The following ATRN variants were observed in gnomAD, a reference collection of about 807,000 sequenced individuals.
ATRN encodes attractin.
Under a neutral mutation model 178.7 loss-of-function variants are expected in ATRN, and 54 were observed. The ratio of observed to expected loss-of-function variants is 0.30; its 90% CI spans 0.24 to 0.38. The LOEUF is 0.38. ATRN is among the 10% of genes least tolerant of loss of function. The pLI is 1.00. For synonymous variants in ATRN, 636 were observed against 663.0 expected (o/e 0.96, Z 0.63); for missense variants, 1,443 against 1,815.1 (o/e 0.79, Z 3.73).
intron 1 of ATRN, among the ~76,000 whole-genome samples, chr20:3,488,702 C>T (rs936913626): frequency 6.6e-6 from 1 of 152,122 alleles, no homozygotes; most frequent in Admixed American, 6.6e-5. Flanking sequence ...TGGTCCATGG[C>T]ATTTCCATAT....
intron 25 of ATRN, 29 bp from the exon 26 acceptor site, chr20:3,634,282 T>C (rs1023058016): frequency 6.2e-7 from 1 of 1,604,922 alleles, no homozygotes; most frequent in African/African-American, 1.3e-5. Flanking sequence ...GGGGCTGGGA[T>C]AATAACTCAG....
At chr20:3,609,290 A>G (rs2086726640) in intron 24 of ATRN, among the ~76,000 whole-genome samples, 1 of 152,156 alleles carries the variant, frequency 6.6e-6, no homozygotes, top group South Asian at 2.1e-4. Context: ...GTTTTAAAAA[A>G]ATCTATCGAG....
chr20:3,633,579 C>T (rs543746284), intron 25 of ATRN, among the ~76,000 whole-genome samples: 1 of 152,152 alleles, frequency 6.6e-6, no homozygotes, highest in Non-Finnish European at 1.5e-5. Context: ...AGTAAAAATG[C>T]AGTTATAGCA....
chr20:3,589,389 T>A (rs17709848), intron 18 of ATRN, among the ~76,000 whole-genome samples: 11,545 of 152,190 alleles, frequency 0.076, 646 homozygotes, highest in Non-Finnish European at 0.12. Context: ...TAATTTGGTT[T>A]TATTATTCTT....
intron 24 of ATRN, 58 bp downstream of exon 24, chr20:3,604,320 C>G: frequency 6.7e-7 from 1 of 1,494,224 alleles, no homozygotes; most frequent in Non-Finnish European, 9.0e-7. Context: ...TTTAGTAAGA[C>G]TAAATTTACT....
rs562368677 is a variant in ATRN, at chr20:3,576,896, A to C, written c.2252A>C (p.Asn751Thr). 1.1e-5 allele frequency: 17 copies of C among 1,614,080 alleles called. No individual in the cohort carries two copies. The South Asian group carries it at 1.6e-4, about 16-fold the overall frequency. Residue 751 changes from asparagine (N) to threonine (T), a missense_variant, in exon 14 of 29, where the codon AAC (asparagine) becomes ACC (threonine). Transcript: ENST00000262919. Reference sequence around the variant, plus strand: ...AGGTATGAGAATTGCCCCAAGGATAACCCCATGTACTACTGTAACAAGAAG... The same window carrying C: ...AGGTATGAGAATTGCCCCAAGGATACCCCCATGTACTACTGTAACAAGAAG... Reference protein sequence around the residue: ...IFRYENCPKDNPMYYCNKKTS... With the variant: ...IFRYENCPKDTPMYYCNKKTS...
intron 14 of ATRN, among the ~76,000 whole-genome samples, chr20:3,577,208 T>A (rs2086225013): frequency 6.6e-6 from 1 of 152,184 alleles, no homozygotes; most frequent in South Asian, 2.1e-4. Flanking sequence ...AAGTGAAACA[T>A]CCTTTGCTGC....
At chr20:3,481,180 C>T (rs1262370561) in intron 1 of ATRN, among the ~76,000 whole-genome samples, 1 of 152,046 alleles carries the variant, frequency 6.6e-6, no homozygotes, top group Admixed American at 6.6e-5. Flanking sequence ...ACGTGACTTC[C>T]TTCTTATGAG....
intron 10 of ATRN, 92 bp from the exon 11 acceptor site, chr20:3,565,256 C>A: frequency 1.1e-6 from 1 of 918,234 alleles, no homozygotes; most frequent in South Asian, 1.6e-5. Flanking sequence ...TTATGAGGTT[C>A]TCTTTGTTGT....
intron 21 of ATRN, 94 bp downstream of exon 21, chr20:3,596,523 C>A: frequency 1.8e-6 from 2 of 1,127,614 alleles, no homozygotes; most frequent in East Asian, 2.4e-5. Context: ...TGCTATAAGA[C>A]TATAGCAGCC....
intron 15 of ATRN, among the ~76,000 whole-genome samples, chr20:3,581,050 T>C (rs1402274224): frequency 6.6e-6 from 1 of 152,078 alleles, no homozygotes; most frequent in Non-Finnish European, 1.5e-5. Context: ...AAGACTAGCC[T>C]GGGCAACACA....
At chr20:3,572,422 T>C (rs183525) in intron 11 of ATRN, among the ~76,000 whole-genome samples, 114,482 of 152,082 alleles carry the variant, frequency 0.75, 43,532 homozygotes, top group East Asian at 1. Context: ...AAGGATGGAA[T>C]TTGGAAAGGA....
At chr20:3,581,024 T>G (rs1050073263) in intron 15 of ATRN, among the ~76,000 whole-genome samples, 1 of 152,152 alleles carries the variant, frequency 6.6e-6, no homozygotes, top group Non-Finnish European at 1.5e-5. Flanking sequence ...GGAGGATTGC[T>G]TGAGCCCAGG....
At chr20:3,610,097 A>T (rs1327719042) in intron 24 of ATRN, among the ~76,000 whole-genome samples, 1 of 152,216 alleles carries the variant, frequency 6.6e-6, no homozygotes, top group Non-Finnish European at 1.5e-5. Context: ...TACACTTAAA[A>T]ATGGTTAAAG....
At chr20:3,630,511 A>G (rs1226323199) in intron 25 of ATRN, among the ~76,000 whole-genome samples, 1 of 152,084 alleles carries the variant, frequency 6.6e-6, no homozygotes, top group Non-Finnish European at 1.5e-5. Flanking sequence ...CTTTTAAGGG[A>G]TGTAGGGGCT....
chr20:3,533,233 C>G (rs980912288), intron 1 of ATRN, among the ~76,000 whole-genome samples: 3 of 152,206 alleles, frequency 2.0e-5, no homozygotes, highest in African/African-American at 7.2e-5. Flanking sequence ...CACACACTTT[C>G]CTAAGAATAA....
At chr20:3,480,325 A>G (rs1329840074) in intron 1 of ATRN, among the ~76,000 whole-genome samples, 4 of 152,160 alleles carry the variant, frequency 2.6e-5, no homozygotes, top group African/African-American at 9.7e-5. Context: ...TTAGAAGGAC[A>G]TGTGTTGCCT....
chr20:3,472,340 AG>A (rs202103271), intron 1 of ATRN, among the ~76,000 whole-genome samples: 6,011 of 152,320 alleles, frequency 0.039, 152 homozygotes, highest in Non-Finnish European at 0.057. Flanking sequence ...GAATATAGCA[AG>A]AGAAAGATAA....
chr20:3,601,101 C>G, intron 23 of ATRN, 77 bp downstream of exon 23: 1 of 1,358,312 alleles, frequency 7.4e-7, no homozygotes. Context: ...ATTGAGAAAG[C>G]GAGCTCAGGA....
Sources: gnomAD v4.1 joint callset for allele counts (sites outside exome capture counted in the v4.1 genomes callset) on GRCh38, gnomAD v4.1.1 for gene constraint, MANE v1.5 for transcripts, NCBI Gene and HGNC (gene_info 2026-07-23, HGNC 2026-07-21) for gene names.